Variants in HIGD1C observed in about 807,000 individuals in gnomAD.
HIGD1C encodes the protein HIG1 domain family member 1C.
HIGD1C carries 11 observed loss-of-function variants against 13.1 expected under a neutral mutation model. That is an observed-to-expected ratio of 0.84 (90% CI 0.53 to 1.39). The LOEUF (loss-of-function observed/expected upper bound fraction) is 1.39, where lower values mean the gene tolerates loss of function less well. HIGD1C is among the 40% of genes most tolerant of loss of function. The pLI is 0.00. For synonymous variants in HIGD1C, 36 were observed against 37.7 expected (o/e 0.95, Z 0.17); for missense variants, 110 against 112.0 (o/e 0.98, Z 0.08).
the HIGD1C span, among the ~76,000 whole-genome samples, chr12:50,940,296 C>T: frequency 6.6e-6 from 1 of 152,094 alleles, no homozygotes; most frequent in South Asian, 2.1e-4. Context: ...AAAGAAACAC[C>T]ATCTAATTAA....
At chr12:50,940,335 C>T in the HIGD1C span, among the ~76,000 whole-genome samples, 7 of 152,178 alleles carry the variant, frequency 4.6e-5, no homozygotes, top group Non-Finnish European at 8.8e-5. Flanking sequence ...GTTATGGGAA[C>T]AGATTACTAA....
the HIGD1C span, among the ~76,000 whole-genome samples, chr12:50,938,891 G>A: frequency 1.3e-5 from 2 of 152,142 alleles, no homozygotes; most frequent in African/African-American, 2.4e-5. Flanking sequence ...CACTCCTTTT[G>A]CAACTGACTC....
At chr12:50,957,649 C>T (rs2139794407) in intron 1 of HIGD1C, among the ~76,000 whole-genome samples, 1 of 151,942 alleles carries the variant, frequency 6.6e-6, no homozygotes, top group African/African-American at 2.4e-5. Context: ...CTTTGGGAGG[C>T]CGAGGTGGGC....
the HIGD1C span, among the ~76,000 whole-genome samples, chr12:50,933,634 A>T: frequency 6.6e-6 from 1 of 152,260 alleles, no homozygotes; most frequent in African/African-American, 2.4e-5. Flanking sequence ...AAGCCCAGTT[A>T]GAAAGAGCAA....
chr12:50,961,057 A>T lies in HIGD1C; in HGVS notation c.184A>T (p.Met62Leu), dbSNP rs761603780. 2.5e-5 allele frequency: 41 copies of T among 1,613,740 alleles called. No individual in the cohort carries two copies. Among genetic ancestry groups the T allele is most frequent in the Non-Finnish European group, 3.4e-5 (40 of 1,179,818 alleles). Residue 62 changes from methionine (M) to leucine (L), a missense_variant, in exon 2 of 3, where the codon ATG becomes TTG. By Grantham distance (15) the Met-to-Leu change is conservative. Transcript: ENST00000398455. ...GAAAATGTCAATTCATCTTATTCAC[A>T]TGAGAGTTGCTGCCCAAGGATTTGT...
At chr12:50,967,917 A>C (rs979821752) in intron 2 of HIGD1C, among the ~76,000 whole-genome samples, 1 of 152,064 alleles carries the variant, frequency 6.6e-6, no homozygotes, top group East Asian at 1.9e-4. Context: ...CGAATACCCT[A>C]TCTCTACAAA....
intron 2 of HIGD1C, among the ~76,000 whole-genome samples, chr12:50,967,932 T>G (rs757714948): frequency 1.3e-5 from 2 of 151,886 alleles, no homozygotes; most frequent in African/African-American, 4.8e-5. Context: ...TACAAAAAAT[T>G]AAAAAGTTAG....
At chr12:50,958,448 A>G (rs1462429532) in intron 1 of HIGD1C, among the ~76,000 whole-genome samples, 1 of 150,622 alleles carries the variant, frequency 6.6e-6, no homozygotes, top group Non-Finnish European at 1.5e-5. Context: ...CACCCGGCTA[A>G]TTTTTTGTAT....
chr12:50,941,423 A>G, the HIGD1C span, among the ~76,000 whole-genome samples: 1 of 152,150 alleles, frequency 6.6e-6, no homozygotes, highest in Non-Finnish European at 1.5e-5. Context: ...GTAAAATTCT[A>G]TAAACATTGG....
the HIGD1C span, among the ~76,000 whole-genome samples, chr12:50,946,290 A>C: frequency 1.3e-5 from 2 of 152,198 alleles, no homozygotes; most frequent in South Asian, 4.1e-4. Context: ...AGAGTGAACA[A>C]GCAACCTACA....
At chr12:50,964,681 T>G (rs1221408405) in intron 2 of HIGD1C, among the ~76,000 whole-genome samples, 1 of 152,176 alleles carries the variant, frequency 6.6e-6, no homozygotes, top group Non-Finnish European at 1.5e-5. Flanking sequence ...TAGTAAAAGA[T>G]ATACAGAAAA....
intron 2 of HIGD1C, among the ~76,000 whole-genome samples, chr12:50,961,769 T>G (rs988967837): frequency 2.0e-5 from 3 of 152,154 alleles, no homozygotes; most frequent in African/African-American, 7.2e-5. Context: ...ACAATACTCT[T>G]AAGTCCCCTT....
chr12:50,940,722 CAA>C, the HIGD1C span, among the ~76,000 whole-genome samples: 17 of 105,058 alleles, frequency 1.6e-4, no homozygotes, highest in Admixed American at 2.1e-4. Flanking sequence ...GACCCCATCT[CAA>C]AAAAAAAAAA....
At chr12:50,947,526 C>T in the HIGD1C span, among the ~76,000 whole-genome samples, 7 of 152,056 alleles carry the variant, frequency 4.6e-5, no homozygotes, top group Non-Finnish European at 1.0e-4. Flanking sequence ...TTGTAAAATC[C>T]GTTGTAATTA....
At chr12:50,936,442 G>T in the HIGD1C span, among the ~76,000 whole-genome samples, 2 of 152,132 alleles carry the variant, frequency 1.3e-5, no homozygotes, top group Admixed American at 1.3e-4. Flanking sequence ...ATTTCACATA[G>T]TACTTATAAC....
upstream of HIGD1C, among the ~76,000 whole-genome samples, chr12:50,951,587 G>A (rs61577980): frequency 2.3e-4 from 35 of 151,968 alleles, no homozygotes; most frequent in African/African-American, 8.0e-4. Flanking sequence ...CGGGAACACA[G>A]GATTAGATTG....
At chr12:50,953,705 G>A (rs1938981755), upstream of HIGD1C, among the ~76,000 whole-genome samples, 4 of 152,238 alleles carry the variant, frequency 2.6e-5, no homozygotes, top group Admixed American at 2.6e-4. Flanking sequence ...ATGCTGAGCA[G>A]TGGAAAGGAG....
At chr12:50,961,091 C>T in exon 2 of HIGD1C, 1 of 1,613,822 alleles carries the variant, frequency 6.2e-7, no homozygotes, top group Non-Finnish European at 8.5e-7. Flanking sequence ...GTTGTTGGAG[C>T]TGTGACTCTA....
intron 2 of HIGD1C, among the ~76,000 whole-genome samples, chr12:50,969,718 A>C (rs1211767253): frequency 2.0e-5 from 3 of 148,114 alleles, no homozygotes; most frequent in Non-Finnish European, 4.5e-5. Context: ...AAAAAAAACA[A>C]AAACAAAACG....
Sources: allele counts gnomAD v4.1 joint callset (sites outside exome capture counted in the v4.1 genomes callset), GRCh38; gene constraint gnomAD v4.1.1; transcripts MANE v1.5; gene names NCBI Gene and HGNC (gene_info 2026-07-23, HGNC 2026-07-21).